Variants in ASAP2 observed in about 807,000 individuals in gnomAD.
The protein encoded by ASAP2 is arf-GAP with SH3 domain, ANK repeat and PH domain-containing protein 2.
A neutral mutation model predicts 131.4 loss-of-function variants in ASAP2; 45 were observed. The ratio of observed to expected loss-of-function variants is 0.34; its 90% CI spans 0.27 to 0.44. ASAP2 has a LOEUF of 0.44. ASAP2 is among the 20% of genes least tolerant of loss of function. The pLI is 1.00. For synonymous variants in ASAP2, 510 were observed against 503.0 expected (o/e 1.01, Z -0.19); for missense variants, 1,011 against 1,297.0 (o/e 0.78, Z 3.39).
chr2:9,286,134 C>T (rs1380210220), intron 2 of ASAP2, among the ~76,000 whole-genome samples: 8 of 152,128 alleles, frequency 5.3e-5, no homozygotes, highest in Admixed American at 2.0e-4. Flanking sequence ...CGGTGACTCA[C>T]GCCTGTAATC....
At chr2:9,327,607 TG>T (rs550216383) in intron 6 of ASAP2, among the ~76,000 whole-genome samples, 234 of 152,300 alleles carry the variant, frequency 1.5e-3, no homozygotes, top group Non-Finnish European at 2.6e-3. Context: ...TAGGAGTTTT[TG>T]GCACTTCAAT....
rs1662516645 is a variant in ASAP2 at position 9,222,758 on chromosome 2, A to C, written c.126+15528A>C. On this transcript the variant is annotated intron_variant, in intron 1 of 27. Transcript: ENST00000281419. ...GTGTGTTCGCTAGCAGGAATCACCC[A>C]CAGTAAAAATCATGGGTAGGAGAAA... is the stretch of plus-strand genomic sequence containing the variant. 2.0e-5 allele frequency among the ~76,000 whole-genome samples: 3 copies of C among 152,290 alleles called. No homozygotes were observed. The South Asian group carries it at 6.2e-4, about 32-fold the overall frequency.
At chr2:9,222,336 C>T (rs1662480389) in intron 1 of ASAP2, among the ~76,000 whole-genome samples, 1 of 152,188 alleles carries the variant, frequency 6.6e-6, no homozygotes, top group Non-Finnish European at 1.5e-5. Context: ...AATGTTTTTG[C>T]ATTTGTAAAT....
At chr2:9,359,713 G>A (rs1343911403) in intron 15 of ASAP2, among the ~76,000 whole-genome samples, 3 of 152,224 alleles carry the variant, frequency 2.0e-5, no homozygotes, top group African/African-American at 7.2e-5. Flanking sequence ...TGTGGACCAT[G>A]TTCCTCTCAA....
At chr2:9,227,146 C>T (rs1288348430) in intron 1 of ASAP2, among the ~76,000 whole-genome samples, 3 of 152,218 alleles carry the variant, frequency 2.0e-5, no homozygotes, top group Non-Finnish European at 2.9e-5. Flanking sequence ...CTTGAGAAGT[C>T]TTCATTTCTC....
At chr2:9,386,676 G>A (rs1287490845) in intron 21 of ASAP2, among the ~76,000 whole-genome samples, 1 of 152,224 alleles carries the variant, frequency 6.6e-6, no homozygotes, top group Non-Finnish European at 1.5e-5. Flanking sequence ...AACCTAGAAA[G>A]GGTTGGTGGT....
chr2:9,277,664 C>T (rs1024779963), intron 1 of ASAP2, among the ~76,000 whole-genome samples: 4 of 152,226 alleles, frequency 2.6e-5, no homozygotes, highest in Admixed American at 6.5e-5. Flanking sequence ...TAACATCCCG[C>T]ACTACAAGTG....
At chr2:9,291,721 T>A (rs1429331137) in intron 2 of ASAP2, among the ~76,000 whole-genome samples, 1 of 152,168 alleles carries the variant, frequency 6.6e-6, no homozygotes, top group Non-Finnish European at 1.5e-5. Context: ...GATTCCCAAG[T>A]GGCCTGTGGT....
intron 3 of ASAP2, among the ~76,000 whole-genome samples, chr2:9,313,417 A>G (rs535332448): frequency 9.2e-5 from 14 of 152,174 alleles, no homozygotes; most frequent in Non-Finnish European, 1.9e-4. Context: ...ACTCGTGTAC[A>G]TTCATGTTCA....
intron 11 of ASAP2, among the ~76,000 whole-genome samples, chr2:9,347,403 G>GGTGAGCA (rs1454589416): frequency 1.3e-5 from 2 of 152,192 alleles, no homozygotes; most frequent in Non-Finnish European, 2.9e-5. Flanking sequence ...TGTTTGGCCA[G>GGTGAGCA]CAGCTCCTGA....
Position 9,281,157 on chromosome 2 carries a change from G to A in ASAP2, c.199+1768G>A, listed in dbSNP as rs560348540. ...GGAAGATTTTTTTTTTTTTTACTGC[G>A]TTCACTTGGACTTTTTGAGTTTATA... On this transcript the variant is annotated intron_variant, in intron 2 of 27. Coordinates refer to ENST00000281419, the MANE Select transcript of ASAP2 (RefSeq NM_003887.3). This position sits in a 1 kb window ranked among gnomAD's most constrained non-coding sequence, Gnocchi z 4.0. Among the ~76,000 whole-genome samples, 17 of 150,586 alleles carry A rather than the reference G, an allele frequency of 1.1e-4. 1 individual carries two copies. The highest frequency in any genetic ancestry group is 2.0e-4 in the Admixed American group (3 of 15,172).
At chr2:9,325,290 G>A (rs764364639) in intron 6 of ASAP2, among the ~76,000 whole-genome samples, 20 of 152,184 alleles carry the variant, frequency 1.3e-4, no homozygotes, top group Admixed American at 6.5e-4. Flanking sequence ...CAGCGAGACA[G>A]CATGAGACAG....
chr2:9,377,787 G>A (rs1040587362), intron 18 of ASAP2, among the ~76,000 whole-genome samples: 1 of 152,190 alleles, frequency 6.6e-6, no homozygotes, highest in Admixed American at 6.5e-5. Flanking sequence ...GAGCAGAGGA[G>A]TGAAGAAATG....
At chr2:9,218,768 C>G (rs1452647616) in intron 1 of ASAP2, among the ~76,000 whole-genome samples, 2 of 152,232 alleles carry the variant, frequency 1.3e-5, no homozygotes, top group South Asian at 2.1e-4. Flanking sequence ...TGCAACACTT[C>G]CCCTGCCTCT....
chr2:9,391,143 C>T lies in ASAP2; in HGVS notation c.2465C>T (p.Ser822Leu), dbSNP rs765837008. 21 of 1,613,988 alleles carry T rather than the reference C, an allele frequency of 1.3e-5. No homozygotes were observed. The highest frequency in any genetic ancestry group is 1.8e-5 in the Non-Finnish European group (21 of 1,180,022). The change falls in exon 23 of 28, where the codon TCA becomes TTA. Residue 822 changes from serine (S) to leucine (L), a missense_variant. Transcript: ENST00000281419. ...GGTGGAAGCCGGCAGCGATCTTCGT[C>T]AGATCCGCCAGCTGTCCATCCACCG... ...VDGGSRQRSS[S>L]DPPAVHPPLP... is the part of the protein sequence containing the mutation.
rs58605449 is a variant in ASAP2 at position 9,286,447 on chromosome 2, A to AAAATATATATATAT, written c.199+7059_199+7060insAATATATATATATA. Among the ~76,000 whole-genome samples, 726 of 148,342 alleles carry AAAATATATATATAT rather than the reference A, an allele frequency of 4.9e-3. 5 individuals are homozygous for AAAATATATATATAT. Among genetic ancestry groups the AAAATATATATATAT allele is most frequent in the African/African-American group, 0.017 (655 of 39,442 alleles). Reference sequence around the variant, plus strand: ...TTTTTTTTAAAAAAGGAAAAAAAAAAATATATATATATATACTGTATCTGA... The same window carrying AAAATATATATATAT: ...TTTTTTTTAAAAAAGGAAAAAAAAAAAAATATATATATATATATATATATATATACTGTATCTGA... On this transcript the variant is annotated intron_variant, in intron 2 of 27. Transcript: ENST00000281419.
Position 9,403,640 on chromosome 2 carries a change from T to G in ASAP2, c.*313T>G. ...ACGGAATTAGCTAAACCTAAAAATGTTTGCATTAATGAATAAATTCTTCCT... is the reference window on the plus strand; with the variant it reads ...ACGGAATTAGCTAAACCTAAAAATGGTTGCATTAATGAATAAATTCTTCCT... On this transcript the variant is annotated 3_prime_UTR_variant, in exon 28 of 28. Transcript: ENST00000281419. 3.7e-6 allele frequency: 1 copy of G among 272,510 alleles called. No individual in the cohort carries two copies. Among genetic ancestry groups the G allele is most frequent in the East Asian group, 8.2e-5 (1 of 12,146 alleles). The allele number at this position is 272,510 out of a possible 1,614,324, so 16.9% of individuals were successfully genotyped here. A position where few individuals can be genotyped will look rare whatever the true frequency, so the allele number is the denominator to read the frequency against.
chr2:9,367,931 A>G (rs1558373324), intron 15 of ASAP2, among the ~76,000 whole-genome samples: 1 of 151,996 alleles, frequency 6.6e-6, no homozygotes, highest in African/African-American at 2.4e-5. Context: ...ACTGATGAAA[A>G]CTCTGCCGCT....
intron 7 of ASAP2, among the ~76,000 whole-genome samples, chr2:9,328,340 G>T (rs1670608161): frequency 6.6e-6 from 1 of 152,052 alleles, no homozygotes; most frequent in Non-Finnish European, 1.5e-5. Flanking sequence ...TGGCTTTATG[G>T]CTTAGGGATT....
Sources: gnomAD v4.1 joint callset for allele counts (sites outside exome capture counted in the v4.1 genomes callset) on GRCh38, gnomAD v4.1.1 for gene constraint, Gnocchi (gnomAD v3.1) non-coding constraint, MANE v1.5 for transcripts, NCBI Gene and HGNC (gene_info 2026-07-23, HGNC 2026-07-21) for gene names.